The following COL24A1 variants were observed in gnomAD, a reference collection of about 807,000 sequenced individuals.
COL24A1 encodes collagen type XXIV alpha 1 chain, also known as collagen alpha-1(XXIV) chain.
A neutral mutation model predicts 253.9 loss-of-function variants in COL24A1; 224 were observed. The observed-to-expected ratio is 0.88, with a 90% CI of 0.79 to 0.99. COL24A1 has a LOEUF of 0.99. Among genes scored for constraint, COL24A1 ranks in the 50% least tolerant of loss-of-function variants. The pLI is 0.00. For synonymous variants in COL24A1, 685 were observed against 673.7 expected (o/e 1.02, Z -0.26); for missense variants, 2,131 against 2,068.5 (o/e 1.03, Z -0.59).
chr1:85,873,266 G>T (rs920526559), intron 35 of COL24A1, among the ~76,000 whole-genome samples: 30 of 152,116 alleles, frequency 2.0e-4, no homozygotes, highest in Non-Finnish European at 7.4e-5. Flanking sequence ...CAACCATTGT[G>T]GAAGACAGTG....
At chr1:85,923,715 G>A (rs1686829069) in intron 24 of COL24A1, among the ~76,000 whole-genome samples, 1 of 152,192 alleles carries the variant, frequency 6.6e-6, no homozygotes. Flanking sequence ...ACAAGAGAAA[G>A]CAGGAAAGAT....
intron 7 of COL24A1, among the ~76,000 whole-genome samples, chr1:86,075,399 A>T (rs866119491): frequency 1.3e-5 from 2 of 152,174 alleles, no homozygotes; most frequent in African/African-American, 4.8e-5. Flanking sequence ...GGCAGTTATT[A>T]ATAGCCTACC....
At chr1:86,047,184 C>T (rs531490587) in intron 11 of COL24A1, among the ~76,000 whole-genome samples, 1 of 152,166 alleles carries the variant, frequency 6.6e-6, no homozygotes, top group Non-Finnish European at 1.5e-5. Context: ...ACTAGATGAA[C>T]ACGAAGGTCT....
At chr1:86,131,737 A>G (rs1473669866) in intron 2 of COL24A1, among the ~76,000 whole-genome samples, 1 of 152,096 alleles carries the variant, frequency 6.6e-6, no homozygotes, top group Non-Finnish European at 1.5e-5. Flanking sequence ...TATGTGTGCT[A>G]CATTTTCTTA....
At chr1:86,089,138 G>T (rs12405791) in intron 7 of COL24A1, 36 bp downstream of exon 7, 5 of 1,518,956 alleles carry the variant, frequency 3.3e-6, no homozygotes, top group Non-Finnish European at 4.4e-6. Context: ...AAGAAAAAAA[G>T]AAGAAAAAAA....
intron 7 of COL24A1, among the ~76,000 whole-genome samples, chr1:86,086,812 C>A (rs913695871): frequency 6.6e-6 from 1 of 152,042 alleles, no homozygotes; most frequent in African/African-American, 2.4e-5. Context: ...CCCAAGCCTG[C>A]GAAGTGGAGA....
chr1:85,949,210 G>C (rs1180037788), intron 24 of COL24A1, among the ~76,000 whole-genome samples: 2 of 152,120 alleles, frequency 1.3e-5, no homozygotes, highest in East Asian at 1.9e-4. Flanking sequence ...ACTGATAAGT[G>C]AAAGAGTCTT....
chr1:85,945,656 G>C (rs1402159248), intron 24 of COL24A1, among the ~76,000 whole-genome samples: 1 of 147,990 alleles, frequency 6.8e-6, no homozygotes, highest in Non-Finnish European at 1.5e-5. Context: ...CTAGATCTTG[G>C]AGTGGGGTGA....
At chr1:86,056,023 C>G (rs935796920) in intron 10 of COL24A1, among the ~76,000 whole-genome samples, 1 of 151,216 alleles carries the variant, frequency 6.6e-6, no homozygotes, top group Admixed American at 6.6e-5. Context: ...GAGGTTGAGG[C>G]AGGAGAATCA....
At chr1:86,017,307 T>C (rs1342082709) in intron 18 of COL24A1, 103 bp from the exon 19 acceptor site, 30 of 1,011,718 alleles carry the variant, frequency 3.0e-5, no homozygotes, top group Non-Finnish European at 3.0e-5. Flanking sequence ...GTCATTATAT[T>C]ATCATGTCAA....
At chr1:85,730,862 C>A (rs1358777316) in intron 59 of COL24A1, among the ~76,000 whole-genome samples, 170 bp from the exon 60 acceptor site, 1 of 152,162 alleles carries the variant, frequency 6.6e-6, no homozygotes, top group Non-Finnish European at 1.5e-5. Context: ...TAGTTGAAAA[C>A]CTGGACTTAT....
At chr1:85,945,002 GTTTT>G (rs1165341082) in intron 24 of COL24A1, among the ~76,000 whole-genome samples, 1 of 35,360 alleles carries the variant, frequency 2.8e-5, no homozygotes, top group African/African-American at 1.2e-4. Context: ...CTATCATTGT[GTTTT>G]TTTTTTTTTT....
At chr1:85,830,242 AG>A (rs1398941442) in intron 43 of COL24A1, among the ~76,000 whole-genome samples, 1 of 152,236 alleles carries the variant, frequency 6.6e-6, no homozygotes, top group East Asian at 1.9e-4. Flanking sequence ...CTCGGGGGTC[AG>A]GGGTCAGGGA....
intron 22 of COL24A1, among the ~76,000 whole-genome samples, chr1:85,967,636 G>C (rs1691695977): frequency 6.6e-6 from 1 of 152,176 alleles, no homozygotes; most frequent in Non-Finnish European, 1.5e-5. Context: ...CACTGGGGGA[G>C]AGCAAGTCCA....
At chr1:85,917,036 A>T (rs1394342452) in intron 24 of COL24A1, among the ~76,000 whole-genome samples, 1 of 152,220 alleles carries the variant, frequency 6.6e-6, no homozygotes, top group Non-Finnish European at 1.5e-5. Flanking sequence ...GCATTCATAC[A>T]ATAAAGAAAA....
At chr1:85,937,523 G>A (rs1688343122) in intron 24 of COL24A1, among the ~76,000 whole-genome samples, 2 of 147,660 alleles carry the variant, frequency 1.4e-5, no homozygotes, top group Non-Finnish European at 3.0e-5. Flanking sequence ...AGTATCTGCA[G>A]GTAGATTTAA....
At chr1:85,859,993 C>G (rs1356530275) in intron 37 of COL24A1, among the ~76,000 whole-genome samples, 6 of 152,050 alleles carry the variant, frequency 3.9e-5, no homozygotes, top group Admixed American at 3.9e-4. Flanking sequence ...TGTCATTTAT[C>G]TATGTCATGT....
In COL24A1 at chr1:86,106,516, G is replaced by C. The variant is rs1383168605; in HGVS notation, c.1599+6051C>G. Among the ~76,000 whole-genome samples the C allele has an allele frequency of 2.0e-5, 3 of 152,086 alleles. No individual in the cohort carries two copies. In the East Asian group the frequency reaches 5.8e-4, roughly 29 times the overall value. On this transcript the variant is annotated intron_variant, in intron 5 of 59. Coordinates refer to ENST00000370571, the MANE Select transcript of COL24A1 (RefSeq NM_152890.7). ...TCTTGACCACAGATTGCCTGGACTG[G>C]AATTGTAAGCACATGGTAGGCTGAT... is the stretch of plus-strand genomic sequence containing the variant.
At chr1:85,735,325 A>G (rs1329686845) in intron 58 of COL24A1, among the ~76,000 whole-genome samples, 1 of 152,224 alleles carries the variant, frequency 6.6e-6, no homozygotes, top group African/African-American at 2.4e-5. Context: ...AGGCTACTAC[A>G]TATAATATCA....
Sources: gnomAD v4.1 joint callset for allele counts (sites outside exome capture counted in the v4.1 genomes callset) on GRCh38, gnomAD v4.1.1 for gene constraint, MANE v1.5 for transcripts, NCBI Gene and HGNC (gene_info 2026-07-23, HGNC 2026-07-21) for gene names.